The following WARS2 variants were observed in gnomAD, a reference collection of about 807,000 sequenced individuals.
WARS2 encodes tryptophan--tRNA ligase, mitochondrial.
A neutral mutation model predicts 36.5 loss-of-function variants in WARS2; 28 were observed. That is an observed-to-expected ratio of 0.77 (90% CI 0.57 to 1.05). The LOEUF is 1.05. Ranked by LOEUF, WARS2 falls within the 50% of genes least tolerant of loss-of-function variation. WARS2 has a pLI of 0.00. For missense variants in WARS2, 435 were observed against 456.8 expected (o/e 0.95, Z 0.44); for synonymous variants, 174 against 178.4 (o/e 0.98, Z 0.20).
Position 119,066,276 on chromosome 1 carries a change from GA to G in WARS2, c.348+10073del, listed in dbSNP as rs375430977. On this transcript the variant is annotated intron_variant, in intron 2 of 5. Transcript: ENST00000235521. ...GCGGATCACAAGGTCAGGAGATCGA[GA>G]ACCATCCTGGCTAATACGGTGAAAC... 5.9e-3 allele frequency among the ~76,000 whole-genome samples: 898 copies of G among 152,126 alleles called. 10 individuals carry two copies. The highest frequency in any genetic ancestry group is 0.015 in the African/African-American group (640 of 41,524).
intron 1 of WARS2, chr1:119,082,279 T>G: frequency 1.0e-6 from 1 of 985,378 alleles, no homozygotes; most frequent in South Asian, 4.7e-5. Flanking sequence ...ACAGGCTTAT[T>G]TAGGCCATTT....
intron 1 of WARS2, among the ~76,000 whole-genome samples, chr1:119,087,076 T>A (rs1652728187): frequency 1.3e-5 from 2 of 152,214 alleles, no homozygotes; most frequent in South Asian, 4.1e-4. Context: ...ACCACCAATG[T>A]CTCTTTTTCT....
chr1:119,092,824 A>G (rs960185143), intron 1 of WARS2, among the ~76,000 whole-genome samples: 2 of 152,236 alleles, frequency 1.3e-5, no homozygotes, highest in Non-Finnish European at 2.9e-5. Flanking sequence ...AATGCTTAAT[A>G]AATATTAGCT....
At chr1:119,105,069 G>C (rs1273693006) in intron 1 of WARS2, among the ~76,000 whole-genome samples, 1 of 152,204 alleles carries the variant, frequency 6.6e-6, no homozygotes, top group Non-Finnish European at 1.5e-5. Context: ...GCAGAGGTAA[G>C]CAGCAGCAGT....
Position 119,072,232 on chromosome 1 carries a change from A to T in WARS2, c.348+4118T>A, listed in dbSNP as rs75870267. 2.8e-4 allele frequency among the ~76,000 whole-genome samples: 43 copies of T among 152,292 alleles called. No individual in the cohort carries two copies. In the East Asian group the frequency reaches 4.5e-3, roughly 16 times the overall value. On this transcript the variant is annotated intron_variant, in intron 2 of 5. Coordinates refer to ENST00000235521, the MANE Select transcript of WARS2 (RefSeq NM_015836.4). ...CCATCATCACCCATGAACAAACTGA[A>T]GCATTATGGCCATTCTAAAGAAGCT...
In WARS2 at chr1:119,089,935, T is replaced by G. The variant is rs57010239; in HGVS notation, c.91-13328A>C. On this transcript the variant is annotated intron_variant, in intron 1 of 5. Coordinates refer to ENST00000235521, the MANE Select transcript of WARS2 (RefSeq NM_015836.4). ...GTGGGAGCTGAATGATGAGAACACATGGACACATGGTGGGGAACACCACAC... is the reference window on the plus strand; with the variant it reads ...GTGGGAGCTGAATGATGAGAACACAGGGACACATGGTGGGGAACACCACAC... Among the ~76,000 whole-genome samples the G allele has an allele frequency of 7.7e-3, 1,178 of 152,192 alleles. 18 individuals are homozygous for G. Among genetic ancestry groups the G allele is most frequent in the African/African-American group, 0.028 (1,151 of 41,536 alleles).
intron 4 of WARS2, 87 bp from the exon 5 acceptor site, chr1:119,034,300 A>T: frequency 2.8e-6 from 3 of 1,070,988 alleles, no homozygotes; most frequent in Non-Finnish European, 4.3e-6. Flanking sequence ...TTTCCTGTGA[A>T]TATTTCACTG....
At chr1:119,087,739 A>T (rs767006590) in intron 1 of WARS2, among the ~76,000 whole-genome samples, 11 of 152,214 alleles carry the variant, frequency 7.2e-5, no homozygotes, top group Non-Finnish European at 1.3e-4. Context: ...TTGTATGATT[A>T]CTTTGAGGTG....
chr1:119,123,495 A>C (rs1655458114), intron 1 of WARS2, among the ~76,000 whole-genome samples: 1 of 152,224 alleles, frequency 6.6e-6, no homozygotes, highest in Admixed American at 6.5e-5. Flanking sequence ...TCAGTGAAGA[A>C]AAGTAGTTGA....
intron 2 of WARS2, among the ~76,000 whole-genome samples, chr1:119,047,142 A>G (rs1648923478): frequency 6.6e-6 from 1 of 152,248 alleles, no homozygotes; most frequent in Non-Finnish European, 1.5e-5. Flanking sequence ...GCTGTAAACA[A>G]ATAGCTATCA....
At chr1:119,073,034 C>T (rs1422987490) in intron 2 of WARS2, among the ~76,000 whole-genome samples, 2 of 151,758 alleles carry the variant, frequency 1.3e-5, no homozygotes, top group Non-Finnish European at 2.9e-5. Context: ...GTAGTCCTAG[C>T]TATTACTCAG....
At chr1:119,095,808 G>A (rs1653401352) in intron 1 of WARS2, among the ~76,000 whole-genome samples, 1 of 152,186 alleles carries the variant, frequency 6.6e-6, no homozygotes, top group Admixed American at 6.5e-5. Flanking sequence ...AAGTTGTAAA[G>A]AAACTGGCAA....
intron 1 of WARS2, among the ~76,000 whole-genome samples, chr1:119,078,947 GAC>G (rs35343555): frequency 0.47 from 70,786 of 150,260 alleles, 17,814 homozygotes; most frequent in African/African-American, 0.65. Context: ...CATATAGCTA[GAC>G]ACACACACAC....
intron 1 of WARS2, among the ~76,000 whole-genome samples, chr1:119,112,242 G>T (rs981858643): frequency 1.3e-5 from 2 of 152,106 alleles, no homozygotes; most frequent in African/African-American, 2.4e-5. Flanking sequence ...TTTAATTGTT[G>T]TTAGGATGAA....
intron 1 of WARS2, among the ~76,000 whole-genome samples, chr1:119,135,777 T>C (rs918886072): frequency 2.2e-5 from 3 of 134,446 alleles, no homozygotes; most frequent in Non-Finnish European, 5.0e-5. Context: ...GAGAGAGAGA[T>C]GGGTTTTGGG....
intron 1 of WARS2, among the ~76,000 whole-genome samples, chr1:119,116,104 T>C (rs1276631994): frequency 6.6e-6 from 1 of 152,200 alleles, no homozygotes; most frequent in Non-Finnish European, 1.5e-5. Flanking sequence ...TCTGCTTCAC[T>C]CTCCCAGACT....
At chr1:119,057,347 C>T (rs12088921) in intron 2 of WARS2, among the ~76,000 whole-genome samples, 49,075 of 150,990 alleles carry the variant, frequency 0.33, 9,408 homozygotes, top group African/African-American at 0.54. Context: ...GGTTTCACCA[C>T]ATTGGCCAGG....
rs757227204 is a variant in WARS2 at position 119,140,627 on chromosome 1, C to A, written c.18G>T (p.Met6Ile). 12 of 1,613,664 alleles carry A rather than the reference C, an allele frequency of 7.4e-6. No homozygotes were observed. Among genetic ancestry groups the A allele is most frequent in the Non-Finnish European group, 7.6e-6 (9 of 1,179,822 alleles). The change falls in exon 1 of 6, where the codon ATG (methionine) becomes ATT (isoleucine). Residue 6 changes from methionine (M) to isoleucine (I), a missense_variant. Met to Ile is a conservative substitution (Grantham distance 10, BLOSUM62 1). Coordinates refer to ENST00000235521, the MANE Select transcript of WARS2 (RefSeq NM_015836.4). MALHSMRKARERWSFI... is the reference protein window; with the variant it reads MALHSIRKARERWSFI... ...AGCTCCAGCGCTCACGCGCTTTCCG[C>A]ATTGAGTGCAGCGCCATCTTGAGAA...
intron 1 of WARS2, among the ~76,000 whole-genome samples, chr1:119,109,921 T>A (rs928581699): frequency 3.3e-5 from 5 of 151,866 alleles, no homozygotes; most frequent in African/African-American, 1.2e-4. Context: ...TTCTACATGA[T>A]TGCCCTAGAC....
Sources: gnomAD v4.1 joint callset for allele counts (sites outside exome capture counted in the v4.1 genomes callset) on GRCh38, gnomAD v4.1.1 for gene constraint, MANE v1.5 for transcripts, NCBI Gene and HGNC (gene_info 2026-07-23, HGNC 2026-07-21) for gene names.